The following USP9X variants were observed in gnomAD, a reference collection of about 807,000 sequenced individuals.
USP9X encodes the protein ubiquitin specific peptidase 9 X-linked, also known as ubiquitin carboxyl-terminal hydrolase 9X.
USP9X carries 7 observed loss-of-function variants against 190.3 expected under a neutral mutation model. The observed-to-expected ratio is 0.04, with a 90% CI of 0.02 to 0.07. USP9X has a LOEUF of 0.07. USP9X is among the 10% of genes least tolerant of loss of function. USP9X has a pLI of 1.00. For synonymous variants in USP9X, 645 were observed against 659.5 expected (o/e 0.98, Z 0.34); for missense variants, 1,010 against 1,916.9 (o/e 0.53, Z 8.83).
At chrX:41,094,055 A>G (rs1044600850) in intron 1 of USP9X, among the ~76,000 whole-genome samples, 1 of 111,876 alleles carries the variant, frequency 8.9e-6, no homozygotes, top group South Asian at 3.7e-4. Context: ...CTTTGTAGAT[A>G]TAATTAATTA....
At chrX:41,107,939 AAG>A (rs1458445659) in intron 1 of USP9X, among the ~76,000 whole-genome samples, 2 of 112,333 alleles carry the variant, frequency 1.8e-5, no homozygotes, top group African/African-American at 6.5e-5. Context: ...ACATAAGCAT[AAG>A]AGCTGTTTTT....
At chrX:41,148,272 G>A (rs1343618884) in intron 11 of USP9X, 97 bp from the exon 12 acceptor site, 4 of 889,251 alleles carry the variant, frequency 4.5e-6, no homozygotes, top group Admixed American at 2.5e-5. Context: ...GCTTAGCTAC[G>A]TTGCTTTTGA....
intron 32 of USP9X, 21 bp downstream of exon 32, chrX:41,205,514 A>AAT: frequency 8.6e-7 from 1 of 1,163,305 alleles, no homozygotes. Flanking sequence ...GATGGACAGT[A>AAT]ATAGAGATAC....
chrX:41,160,518 A>C (rs1049641217), intron 14 of USP9X, among the ~76,000 whole-genome samples: 3 of 111,415 alleles, frequency 2.7e-5, no homozygotes, highest in African/African-American at 9.8e-5. Context: ...CTAAACAAAA[A>C]AAGGGAGGTG....
At chrX:41,105,753 A>G (rs1389316582) in intron 1 of USP9X, among the ~76,000 whole-genome samples, 1 of 112,029 alleles carries the variant, frequency 8.9e-6, no homozygotes, top group Non-Finnish European at 1.9e-5. Flanking sequence ...ACCATTTTAC[A>G]TTTCTTCCAG....
intron 21 of USP9X, among the ~76,000 whole-genome samples, chrX:41,172,889 G>GC (rs1442928343): frequency 9.0e-6 from 1 of 111,530 alleles, no homozygotes; most frequent in Admixed American, 9.5e-5. Flanking sequence ...CTATTCCTTT[G>GC]CATGTGACCT....
intron 33 of USP9X, among the ~76,000 whole-genome samples, chrX:41,212,019 A>AGG (rs1332028846): frequency 9.2e-6 from 1 of 109,098 alleles, no homozygotes; most frequent in South Asian, 3.8e-4. Context: ...TGGAATAGAA[A>AGG]GGGGGGAAAG....
At chrX:41,147,970 C>G (rs761748451) in intron 11 of USP9X, among the ~76,000 whole-genome samples, 2 of 110,822 alleles carry the variant, frequency 1.8e-5, no homozygotes, top group East Asian at 2.8e-4. Flanking sequence ...GGGGGACATT[C>G]GAACCATAGC....
At chrX:41,102,820 T>G (rs1187960000) in intron 1 of USP9X, among the ~76,000 whole-genome samples, 2 of 106,495 alleles carry the variant, frequency 1.9e-5, no homozygotes, top group East Asian at 2.9e-4. Flanking sequence ...TGAGACGGAG[T>G]CTTGCTCTCT....
intron 32 of USP9X, among the ~76,000 whole-genome samples, chrX:41,209,148 A>G (rs1249366690): frequency 8.9e-6 from 1 of 111,916 alleles, no homozygotes; most frequent in Non-Finnish European, 1.9e-5. Context: ...AAGTAATATA[A>G]TAACGATTTT....
intron 18 of USP9X, among the ~76,000 whole-genome samples, chrX:41,169,538 T>G (rs1030508349): frequency 9.0e-6 from 1 of 111,303 alleles, no homozygotes; most frequent in Non-Finnish European, 1.9e-5. Flanking sequence ...CACTGCAACC[T>G]TTGCCTCCCA....
intron 4 of USP9X, among the ~76,000 whole-genome samples, chrX:41,133,296 T>G (rs1355502992): frequency 8.9e-6 from 1 of 112,100 alleles, no homozygotes; most frequent in Admixed American, 9.5e-5. Flanking sequence ...TTTTTGTTCT[T>G]TTATACGTTC....
In USP9X at chrX:41,170,101, G is replaced by A; in HGVS notation, c.2743G>A (p.Val915Ile). The A allele has an allele frequency of 1.7e-6, 2 of 1,211,558 alleles. No homozygotes were observed. The highest frequency in any genetic ancestry group is 1.1e-6 in the Non-Finnish European group (1 of 895,501). Residue 915 changes from valine (V) to isoleucine (I), a missense_variant, in exon 19 of 45, where the codon GTA (valine) becomes ATA (isoleucine). Around this residue, in one of 11 missense-constraint regions of USP9X, gnomAD observed 351 missense variants for 480.8 expected, o/e 0.73. Transcript: ENST00000378308. ...WSHTNDTIGS[V>I]RRCILNRIKA... ...TCATACAAATGATACAATTGGTTCAGTACGACGATGTATTCTCAATCGTAT... is the reference window on the plus strand; with the variant it reads ...TCATACAAATGATACAATTGGTTCAATACGACGATGTATTCTCAATCGTAT...
chrX:41,219,110 C>G lies in USP9X; in HGVS notation c.6444C>G (p.Asp2148Glu), dbSNP rs746218996. 3 of 1,207,406 alleles carry G rather than the reference C, an allele frequency of 2.5e-6. No homozygotes were observed. Among genetic ancestry groups the G allele is most frequent in the South Asian group, 1.8e-5 (1 of 56,037 alleles). The change falls in exon 38 of 45, where the codon GAC becomes GAG. Residue 2148 changes from aspartate to glutamate, a missense_variant. Physicochemically the swap from Asp to Glu is conservative, Grantham distance 45. Coordinates refer to ENST00000378308, the MANE Select transcript of USP9X (RefSeq NM_001039591.3). ...TGTTTTATCCTTTACAGGCTTATGA[C>G]AACTTAAGCTTGAGTGATCACTTAC... ...ASPGPSSQAY[D>E]NLSLSDHLLR...
At chrX:41,137,395 A>G (rs2062384437) in intron 6 of USP9X, among the ~76,000 whole-genome samples, 1 of 111,500 alleles carries the variant, frequency 9.0e-6, no homozygotes. Flanking sequence ...TATATCCTCT[A>G]AATACCTAAT....
chrX:41,219,951 C>G (rs2063245947), intron 38 of USP9X, among the ~76,000 whole-genome samples: 1 of 112,133 alleles, frequency 8.9e-6, no homozygotes, highest in Non-Finnish European at 1.9e-5. Flanking sequence ...CACCACTGCA[C>G]TCCAGCCTGG....
intron 34 of USP9X, 150 bp from the exon 35 acceptor site, chrX:41,215,749 G>A: frequency 1.9e-6 from 1 of 532,578 alleles, no homozygotes; most frequent in Non-Finnish European, 2.9e-6. Context: ...CAGCTGATAG[G>A]ATTATCTTGA....
intron 1 of USP9X, among the ~76,000 whole-genome samples, chrX:41,116,692 G>C (rs1327076474): frequency 8.9e-6 from 1 of 112,144 alleles, no homozygotes; most frequent in Non-Finnish European, 1.9e-5. Context: ...ATTGTAGAAA[G>C]GGAAAAGAAA....
rs372562265 is a variant in USP9X at position 41,229,596 on chromosome X, C to T, written c.7248C>T (p.Thr2416=). Reference sequence around the variant, plus strand: ...ATGGAGATCTTAAAAGAAAGTGGACCTGGGCAGTGGAATGGCTTGGAGATG... The same window carrying T: ...ATGGAGATCTTAAAAGAAAGTGGACTTGGGCAGTGGAATGGCTTGGAGATG... ...QGNGDLKRKW[T]WAVEWLGDEL... Residue 2416 remains threonine, a synonymous_variant, in exon 43 of 45, where the codon ACC becomes ACT. Transcript: ENST00000378308. The T allele has an allele frequency of 2.3e-5, 28 of 1,209,638 alleles. No individual in the cohort carries two copies. The African/African-American group carries it at 4.4e-4, about 19-fold the overall frequency.
Sources: gnomAD v4.1 joint callset for allele counts (sites outside exome capture counted in the v4.1 genomes callset) on GRCh38, gnomAD v4.1.1 for gene constraint, gnomAD v4.1.1 regional missense constraint, MANE v1.5 for transcripts, NCBI Gene and HGNC (gene_info 2026-07-23, HGNC 2026-07-21) for gene names.